The following ADAMTS6 variants were observed in gnomAD, a reference collection of about 807,000 sequenced individuals.
The protein encoded by ADAMTS6 is A disintegrin and metalloproteinase with thrombospondin motifs 6.
A neutral mutation model predicts 144.3 loss-of-function variants in ADAMTS6; 23 were observed. That is an observed-to-expected ratio of 0.16 (90% CI 0.11 to 0.23). The LOEUF is 0.23. ADAMTS6 is among the 10% of genes least tolerant of loss of function. ADAMTS6 has a pLI of 1.00. For synonymous variants in ADAMTS6, 444 were observed against 457.5 expected (o/e 0.97, Z 0.38); for missense variants, 999 against 1,379.6 (o/e 0.72, Z 4.37).
chr5:65,265,792 T>C (rs896926914), intron 12 of ADAMTS6, among the ~76,000 whole-genome samples: 1 of 151,908 alleles, frequency 6.6e-6, no homozygotes, highest in Admixed American at 6.6e-5. Context: ...GTTTTTCAGA[T>C]GAGGACACCA....
chr5:65,255,299 G>A (rs547500629), intron 14 of ADAMTS6, among the ~76,000 whole-genome samples: 1 of 151,894 alleles, frequency 6.6e-6, no homozygotes, highest in South Asian at 2.1e-4. Flanking sequence ...ATAGGTTTTT[G>A]GTGAACAGGT....
intron 7 of ADAMTS6, among the ~76,000 whole-genome samples, chr5:65,348,199 T>A (rs902863104): frequency 6.6e-6 from 1 of 152,124 alleles, no homozygotes; most frequent in Non-Finnish European, 1.5e-5. Context: ...CAAGGAGCTA[T>A]CTGCACTCCC....
intron 7 of ADAMTS6, among the ~76,000 whole-genome samples, chr5:65,361,962 T>A (rs1261126586): frequency 6.6e-6 from 1 of 152,188 alleles, no homozygotes; most frequent in Non-Finnish European, 1.5e-5. Flanking sequence ...CTCAAACTCC[T>A]GGGCTCAAGC....
chr5:65,214,727 G>A lies in ADAMTS6; in HGVS notation c.2575+67C>T. ...AATTAGCTTTTTTAACAAACACAAA[G>A]CATAGCTCAGAATGTGTTTTGTTCT... is the stretch of plus-strand genomic sequence containing the variant. On this transcript the variant is annotated intron_variant, in intron 20 of 24. Transcript: ENST00000381055. The surrounding 1 kb of genome is among the most constrained non-coding windows in gnomAD (Gnocchi z 4.6). 1 of 1,605,476 alleles carries A rather than the reference G, an allele frequency of 6.2e-7. No homozygotes were observed.
At chr5:65,433,464 T>G (rs915866337) in intron 7 of ADAMTS6, among the ~76,000 whole-genome samples, 1 of 152,202 alleles carries the variant, frequency 6.6e-6, no homozygotes, top group East Asian at 1.9e-4. Flanking sequence ...GCAGCATATC[T>G]ATTGAATAAA....
intron 9 of ADAMTS6, among the ~76,000 whole-genome samples, chr5:65,307,651 A>G (rs1290786724): frequency 1.3e-5 from 2 of 152,162 alleles, no homozygotes; most frequent in Non-Finnish European, 2.9e-5. Flanking sequence ...AATTTCATTC[A>G]TTGTTAGAGA....
At chr5:65,253,670 AAAG>A (rs1267692482) in intron 14 of ADAMTS6, among the ~76,000 whole-genome samples, 1 of 152,110 alleles carries the variant, frequency 6.6e-6, no homozygotes, top group African/African-American at 2.4e-5. Flanking sequence ...TCACTGGAAA[AAAG>A]AACATTTAAA....
chr5:65,304,840 A>G (rs1331899128), intron 9 of ADAMTS6, among the ~76,000 whole-genome samples: 1 of 152,194 alleles, frequency 6.6e-6, no homozygotes, highest in African/African-American at 2.4e-5. Context: ...TTGAATAACA[A>G]AAAAGTCTGA....
chr5:65,412,776 AAATTAAAAGTAATAATAT>A (rs1407532177), intron 7 of ADAMTS6, among the ~76,000 whole-genome samples: 2 of 152,132 alleles, frequency 1.3e-5, no homozygotes, highest in African/African-American at 4.8e-5. Context: ...TGATGAAACT[AAATTAAAAGTAATAATAT>A]AATTGAAAAT....
intron 7 of ADAMTS6, among the ~76,000 whole-genome samples, chr5:65,436,490 C>T (rs1276954077): frequency 6.6e-6 from 1 of 151,976 alleles, no homozygotes; most frequent in Non-Finnish European, 1.5e-5. Context: ...CAAAGCCAGG[C>T]TTCATTCAAA....
chr5:65,231,093 A>T (rs1311575532), intron 15 of ADAMTS6, among the ~76,000 whole-genome samples: 3 of 151,204 alleles, frequency 2.0e-5, no homozygotes, highest in Non-Finnish European at 4.4e-5. Context: ...AACAAAATGA[A>T]TTTTTTTTAA....
intron 24 of ADAMTS6, among the ~76,000 whole-genome samples, chr5:65,162,139 A>G (rs1292710545): frequency 1.3e-5 from 2 of 152,238 alleles, no homozygotes; most frequent in African/African-American, 2.4e-5. Context: ...TACAAATGAT[A>G]TTCTGCCTAC....
intron 7 of ADAMTS6, among the ~76,000 whole-genome samples, chr5:65,335,963 G>T (rs1346992015): frequency 6.6e-6 from 1 of 151,898 alleles, no homozygotes; most frequent in Non-Finnish European, 1.5e-5. Flanking sequence ...AAAAGTAAAA[G>T]CATTCCAAGA....
At chr5:65,258,219 T>C (rs1760862551) in intron 14 of ADAMTS6, among the ~76,000 whole-genome samples, 2 of 152,020 alleles carry the variant, frequency 1.3e-5, no homozygotes, top group African/African-American at 4.8e-5. Flanking sequence ...AATGGTCTCA[T>C]TGAAAAGGTG....
At chr5:65,436,590 C>G (rs1226184235) in intron 7 of ADAMTS6, among the ~76,000 whole-genome samples, 1 of 152,086 alleles carries the variant, frequency 6.6e-6, no homozygotes, top group Non-Finnish European at 1.5e-5. Context: ...AATCCCAATA[C>G]TTTGGGAGGC....
intron 18 of ADAMTS6, among the ~76,000 whole-genome samples, chr5:65,219,711 C>T (rs1324093336): frequency 6.6e-6 from 1 of 152,104 alleles, no homozygotes; most frequent in Non-Finnish European, 1.5e-5. Context: ...CCAGACTGGT[C>T]ATAGAATATT....
intron 1 of ADAMTS6, among the ~76,000 whole-genome samples, chr5:65,477,376 T>C (rs1363527077): frequency 6.6e-6 from 1 of 152,226 alleles, no homozygotes. Context: ...CATCCCTTTT[T>C]CTCCTATTTT....
chr5:65,438,050 A>G (rs1330234055), intron 7 of ADAMTS6, among the ~76,000 whole-genome samples: 3 of 152,238 alleles, frequency 2.0e-5, no homozygotes, highest in Non-Finnish European at 1.5e-5. Context: ...GTTCCTTGAC[A>G]ATTTGAAGAC....
intron 7 of ADAMTS6, among the ~76,000 whole-genome samples, chr5:65,335,415 T>G (rs1747209786): frequency 6.6e-6 from 1 of 152,192 alleles, no homozygotes; most frequent in Admixed American, 6.5e-5. Flanking sequence ...ATAAAGTATA[T>G]TCTTGGTGTC....
Sources: gnomAD v4.1 joint callset for allele counts (sites outside exome capture counted in the v4.1 genomes callset) on GRCh38, gnomAD v4.1.1 for gene constraint, Gnocchi (gnomAD v3.1) non-coding constraint, MANE v1.5 for transcripts, NCBI Gene and HGNC (gene_info 2026-07-23, HGNC 2026-07-21) for gene names.